The following ZFYVE21 variants were observed in gnomAD, a reference collection of about 807,000 sequenced individuals.
ZFYVE21 encodes the protein zinc finger FYVE domain-containing protein 21.
Under a neutral mutation model 29.5 loss-of-function variants are expected in ZFYVE21, and 21 were observed. That is an observed-to-expected ratio of 0.71 (90% CI 0.50 to 1.02). The LOEUF (loss-of-function observed/expected upper bound fraction) is 1.02. ZFYVE21 is among the 50% of genes least tolerant of loss of function. The pLI is 0.00. For synonymous variants in ZFYVE21, 151 were observed against 133.8 expected (o/e 1.13, Z -0.89); for missense variants, 326 against 335.4 (o/e 0.97, Z 0.22).
chr14:103,728,824 G>A (rs2295150), intron 3 of ZFYVE21, 84 bp from the exon 4 acceptor site: 115,629 of 1,325,324 alleles, frequency 0.087, 8,029 homozygotes, highest in African/African-American at 0.28. Context: ...TCCTCTGTGC[G>A]TGCGTCTCCT....
Position 103,733,022 on chromosome 14 carries a change from T to G in ZFYVE21, c.*4T>G. 1 of 1,614,144 alleles carries G rather than the reference T, an allele frequency of 6.2e-7. No homozygotes were observed. On this transcript the variant is annotated 3_prime_UTR_variant, in exon 7 of 7. Transcript: ENST00000311141. Reference sequence around the variant, plus strand: ...CTATGAATCTCGGGACCAGTAACTCTACGTGGGGCTGAGCTTGGAGTACGT... The same window carrying G: ...CTATGAATCTCGGGACCAGTAACTCGACGTGGGGCTGAGCTTGGAGTACGT...
At chr14:103,729,957 C>T in intron 5 of ZFYVE21, 1 of 1,228,702 alleles carries the variant, frequency 8.1e-7, no homozygotes. Flanking sequence ...TTTGTGAAAC[C>T]TGAATTCACT....
chr14:103,726,764 T>A, intron 1 of ZFYVE21, 28 bp from the exon 2 acceptor site: 1 of 1,613,354 alleles, frequency 6.2e-7, no homozygotes. Context: ...CCAAGCTGCG[T>A]TTTAACGCTT....
At chr14:103,722,258 G>C (rs1023630326) in intron 1 of ZFYVE21, among the ~76,000 whole-genome samples, 1 of 151,750 alleles carries the variant, frequency 6.6e-6, no homozygotes, top group Non-Finnish European at 1.5e-5. Flanking sequence ...TTATTTAAAA[G>C]CCTATACATC....
At chr14:103,731,679 C>G (rs888549080) in intron 5 of ZFYVE21, 1 of 152,228 alleles carries the variant, frequency 6.6e-6, no homozygotes, top group South Asian at 2.1e-4. Flanking sequence ...CCTCCAAGCA[C>G]GGTCGGTGGG....
chr14:103,728,922 G>A lies in ZFYVE21; in HGVS notation c.373G>A (p.Val125Ile), dbSNP rs1004892191. The change falls in exon 4 of 7, where the codon GTC becomes ATC. Residue 125 changes from valine to isoleucine, a missense_variant. Transcript: ENST00000311141. ...KVLLSGATFL[V>I]TFGNSEKPET... is the part of the protein sequence containing the mutation. ...GTGTTCCCAAGGAGCCACCTTCCTC[G>A]TCACGTTTGGAAACTCAGAGAAACC... 1.5e-5 allele frequency: 25 copies of A among 1,613,848 alleles called. No individual in the cohort carries two copies. In the East Asian group the frequency reaches 3.1e-4, roughly 20 times the overall value.
At chr14:103,726,961 T>TTTTTTTTTTG in intron 2 of ZFYVE21, 119 bp downstream of exon 2, 1 of 997,386 alleles carries the variant, frequency 1.0e-6, no homozygotes. Context: ...TTTTTTTTTT[T>TTTTTTTTTTG]TGAGACGGAG....
At chr14:103,728,778 C>G in intron 3 of ZFYVE21, 130 bp from the exon 4 acceptor site, 2 of 892,598 alleles carry the variant, frequency 2.2e-6, no homozygotes, top group Non-Finnish European at 3.5e-6. Context: ...GTCCTTAGAA[C>G]AAAGCTGTGG....
At chr14:103,728,653 G>A (rs1324094260) in intron 3 of ZFYVE21, 2 of 481,258 alleles carry the variant, frequency 4.2e-6, no homozygotes, top group Non-Finnish European at 7.5e-6. Context: ...TCGTTTGAAG[G>A]ATGTAAAAGA....
Position 103,726,722 on chromosome 14 carries a change from C to T in ZFYVE21, c.139-70C>T, listed in dbSNP as rs2083927904. ...GGCAGGGCCCAGCTTTCTCAGCAGCCCGTGGTCGTGCCCCAGCGACGTGGT... is the reference window on the plus strand; with the variant it reads ...GGCAGGGCCCAGCTTTCTCAGCAGCTCGTGGTCGTGCCCCAGCGACGTGGT... On this transcript the variant is annotated intron_variant, in intron 1 of 6. Transcript: ENST00000311141. The T allele has an allele frequency of 3.8e-6, 6 of 1,591,904 alleles. No homozygotes were observed. The South Asian group carries it at 6.6e-5, about 18-fold the overall frequency.
intron 1 of ZFYVE21, among the ~76,000 whole-genome samples, chr14:103,720,389 T>C (rs1432029757): frequency 6.6e-6 from 1 of 152,106 alleles, no homozygotes; most frequent in Admixed American, 6.5e-5. Context: ...GGCGAGTTCT[T>C]GGGGGGCTGA....
At chr14:103,717,169 C>T (rs536175821) in intron 1 of ZFYVE21, among the ~76,000 whole-genome samples, 2 of 152,184 alleles carry the variant, frequency 1.3e-5, no homozygotes, top group Non-Finnish European at 2.9e-5. Context: ...ACGGAGCCAT[C>T]ACCGGTCACT....
chr14:103,733,134 AACT>A lies in ZFYVE21; in HGVS notation c.*117_*119del. 7.3e-7 allele frequency: 1 copy of A among 1,368,368 alleles called. No individual in the cohort carries two copies. Among genetic ancestry groups the A allele is most frequent in the Non-Finnish European group, 1.0e-6 (1 of 972,286 alleles). The allele number at this position is 1,368,368 out of a possible 1,614,324, so 84.8% of individuals were successfully genotyped here. A position where few individuals can be genotyped will look rare whatever the true frequency, so the allele number is the denominator to read the frequency against. On this transcript the variant is annotated 3_prime_UTR_variant, in exon 7 of 7. Coordinates refer to ENST00000311141, the MANE Select transcript of ZFYVE21 (RefSeq NM_024071.4). ...TAATCCTGCTTGTGCTGGGAAATGC[AACT>A]CACTCATGTATTTGGAGAAACAGGA... is the stretch of plus-strand genomic sequence containing the variant.
At chr14:103,730,588 TGTG>T (rs1365277240) in intron 5 of ZFYVE21, 2 of 152,566 alleles carry the variant, frequency 1.3e-5, no homozygotes, top group Non-Finnish European at 2.9e-5. Flanking sequence ...GTGTCCCCCT[TGTG>T]GTGGCTTGGG....
intron 1 of ZFYVE21, among the ~76,000 whole-genome samples, chr14:103,720,060 TC>T (rs2083860219): frequency 6.6e-6 from 1 of 152,142 alleles, no homozygotes; most frequent in African/African-American, 2.4e-5. Flanking sequence ...CGCACGTGTT[TC>T]TAGTCCCTGA....
chr14:103,725,118 C>T (rs2083910542), intron 1 of ZFYVE21: 2 of 152,298 alleles, frequency 1.3e-5, no homozygotes, highest in South Asian at 4.1e-4. Context: ...GGACTGAAGT[C>T]CCTGCTGTTA....
At position 103,727,815 on chromosome 14, in the gene ZFYVE21, A is replaced by G. The variant is rs778178596; in HGVS notation, c.259A>G (p.Met87Val). ...CAGCCAGAAGGTGCCGCTGCGGCGC[A>G]TGTGCTTTGTGGACCCCGTGCGGCA... ...CCSQKVPLRR[M>V]CFVDPVRQCA... Residue 87 changes from methionine (M) to valine (V), a missense_variant, in exon 3 of 7, where the codon ATG (methionine) becomes GTG (valine). Transcript: ENST00000311141. 2.5e-6 allele frequency: 4 copies of G among 1,613,054 alleles called. No individual in the cohort carries two copies. Among genetic ancestry groups the G allele is most frequent in the South Asian group, 2.2e-5 (2 of 91,084 alleles).
At chr14:103,722,376 A>G (rs1472847401) in intron 1 of ZFYVE21, among the ~76,000 whole-genome samples, 6 of 104,532 alleles carry the variant, frequency 5.7e-5, no homozygotes, top group Non-Finnish European at 7.3e-5. Context: ...TTTTTTTGAG[A>G]CAGGGTCTCA....
intron 1 of ZFYVE21, among the ~76,000 whole-genome samples, chr14:103,723,520 G>A (rs56168984): frequency 0.27 from 41,074 of 152,112 alleles, 6,504 homozygotes; most frequent in Non-Finnish European, 0.35. Flanking sequence ...AAGGCTGGTC[G>A]TGGGATCTCA....
Sources: gnomAD v4.1 joint callset for allele counts (sites outside exome capture counted in the v4.1 genomes callset) on GRCh38, gnomAD v4.1.1 for gene constraint, MANE v1.5 for transcripts, NCBI Gene and HGNC (gene_info 2026-07-23, HGNC 2026-07-21) for gene names.